Variants in HRH1 observed in about 807,000 individuals in gnomAD.
HRH1 encodes the protein histamine H1 receptor.
HRH1 carries 6 observed loss-of-function variants against 10.3 expected under a neutral mutation model. That is an observed-to-expected ratio of 0.58 (90% CI 0.32 to 1.15). HRH1 has a LOEUF of 1.15. Among genes scored for constraint, HRH1 ranks in the 50% most tolerant of loss-of-function variants. The pLI is 0.05. For missense variants in HRH1, 514 were observed against 615.3 expected (o/e 0.84, Z 1.74); for synonymous variants, 242 against 236.7 (o/e 1.02, Z -0.21).
At chr3:11,149,122 G>A (rs552270411) in intron 1 of HRH1, among the ~76,000 whole-genome samples, 59 of 152,262 alleles carry the variant, frequency 3.9e-4, no homozygotes, top group African/African-American at 1.3e-3. Context: ...AAATTTAAAT[G>A]TTCTTGACCT....
intron 1 of HRH1, among the ~76,000 whole-genome samples, chr3:11,242,574 C>T (rs1939378693): frequency 1.3e-5 from 2 of 150,638 alleles, no homozygotes; most frequent in Non-Finnish European, 3.0e-5. Context: ...AGGAACCTGC[C>T]GGAAGGAACC....
intron 1 of HRH1, among the ~76,000 whole-genome samples, chr3:11,217,726 A>G (rs1486376587): frequency 6.6e-6 from 1 of 152,214 alleles, no homozygotes; most frequent in African/African-American, 2.4e-5. Flanking sequence ...ATTCTGTATT[A>G]TATATATTTT....
chr3:11,233,530 A>G (rs953440419), intron 1 of HRH1, among the ~76,000 whole-genome samples: 1 of 152,170 alleles, frequency 6.6e-6, no homozygotes, highest in African/African-American at 2.4e-5. Context: ...CCTCTCAAGA[A>G]CATTGCACCT....
rs746557839 is a variant in HRH1 at position 11,259,556 on chromosome 3, G to A, written c.519G>A (p.Ser173=). ...GGAATCACTTCATGCAGCAGACCTC[G>A]GTGCGCCGAGAGGACAAGTGTGAGA... ...LGWNHFMQQT[S]VRREDKCETD... The change falls in exon 2 of 2, where the codon TCG becomes TCA. Residue 173 remains serine (S), a synonymous_variant. Coordinates refer to ENST00000431010, the MANE Select transcript of HRH1 (RefSeq NM_001098212.2). The surrounding 1 kb of genome is among the most constrained non-coding windows in gnomAD (Gnocchi z 4.6). 2.5e-6 allele frequency: 4 copies of A among 1,613,864 alleles called. No homozygotes were observed. Among genetic ancestry groups the A allele is most frequent in the East Asian group, 2.2e-5 (1 of 44,872 alleles).
chr3:11,152,962 T>C (rs1263288742), upstream of HRH1, among the ~76,000 whole-genome samples: 5 of 152,126 alleles, frequency 3.3e-5, no homozygotes. Context: ...CAAAGTCTCA[T>C]ATCACTGGGC....
chr3:11,234,318 C>A lies in HRH1; in HGVS notation c.-35-24685C>A, dbSNP rs1435903714. On this transcript the variant is annotated intron_variant, in intron 1 of 1. Coordinates refer to ENST00000431010, the MANE Select transcript of HRH1 (RefSeq NM_001098212.2). ...GTGGGAGCTGTTTCTTCTGCTTGTT[C>A]TGCTGGCTTCTTCTCTCTTTCCTCT... 5 of 1,578,906 alleles carry A rather than the reference C, an allele frequency of 3.2e-6. No individual in the cohort carries two copies. The East Asian group carries it at 9.0e-5, about 28-fold the overall frequency.
rs1233147200 is a variant in HRH1, at chr3:11,236,879, AC to A, written c.-35-22123del. On this transcript the variant is annotated intron_variant, in intron 1 of 1. Coordinates refer to ENST00000431010, the MANE Select transcript of HRH1 (RefSeq NM_001098212.2). Reference sequence around the variant, plus strand: ...CACTTGACTGAAAGAGACAAAAGTTACAGGAACTGGTAATCACCTGGGAGCT... The same window carrying A: ...CACTTGACTGAAAGAGACAAAAGTTAAGGAACTGGTAATCACCTGGGAGCT... 3.5e-4 allele frequency among the ~76,000 whole-genome samples: 54 copies of A among 152,338 alleles called. 1 individual carries two copies. The highest frequency in any genetic ancestry group is 3.4e-3 in the Middle Eastern group (1 of 294).
chr3:11,180,047 A>C (rs567105990), intron 1 of HRH1, among the ~76,000 whole-genome samples: 50 of 152,188 alleles, frequency 3.3e-4, no homozygotes, highest in African/African-American at 1.2e-3. Context: ...ACAGGCATGC[A>C]CCACCACACC....
At chr3:11,202,978 G>A (rs1389626835) in intron 1 of HRH1, among the ~76,000 whole-genome samples, 1 of 152,142 alleles carries the variant, frequency 6.6e-6, no homozygotes, top group Non-Finnish European at 1.5e-5. Context: ...GCCTTTTCCA[G>A]GACGTCATAC....
At chr3:11,221,512 G>A (rs975516210) in intron 1 of HRH1, among the ~76,000 whole-genome samples, 2 of 151,014 alleles carry the variant, frequency 1.3e-5, no homozygotes, top group African/African-American at 4.9e-5. Context: ...CCGAGATCAC[G>A]CCATTGCACT....
chr3:11,248,464 C>T (rs1345995452), intron 1 of HRH1, among the ~76,000 whole-genome samples: 1 of 152,174 alleles, frequency 6.6e-6, no homozygotes, highest in South Asian at 2.1e-4. Flanking sequence ...TTACAATATT[C>T]TGTCTTCAGC....
upstream of HRH1, among the ~76,000 whole-genome samples, chr3:11,149,567 T>C (rs891835586): frequency 3.9e-5 from 6 of 152,196 alleles, no homozygotes; most frequent in African/African-American, 1.4e-4. Flanking sequence ...GAGAAATGAA[T>C]GGAGCAGGGG....
chr3:11,147,612 G>GA lies in HRH1; in HGVS notation c.-36+10223dup, dbSNP rs928043714. ...CTGTGATCCCATTCCAGTAGGTGTA[G>GA]AAAAAAAAAAGACTGGTTTGCCTCT... On this transcript the variant is annotated intron_variant, in intron 1 of 1. Coordinates refer to the HRH1 transcript ENST00000438284. Among the ~76,000 whole-genome samples, 430 of 148,604 alleles carry GA rather than the reference G, an allele frequency of 2.9e-3. 3 individuals are homozygous for GA. The highest frequency in any genetic ancestry group is 9.9e-3 in the African/African-American group (402 of 40,608).
At chr3:11,144,341 GTA>G (rs1294048105) in intron 1 of HRH1, among the ~76,000 whole-genome samples, 10 of 48,428 alleles carry the variant, frequency 2.1e-4, no homozygotes, top group Middle Eastern at 0.013. Context: ...AATGTGATAT[GTA>G]TATGTGTGTG....
At chr3:11,209,259 T>C (rs75693353) in intron 1 of HRH1, among the ~76,000 whole-genome samples, 1 of 152,228 alleles carries the variant, frequency 6.6e-6, no homozygotes, top group East Asian at 1.9e-4. Flanking sequence ...GCCTGACTAG[T>C]TTTTATATTT....
chr3:11,257,590 T>A (rs1939814938), intron 1 of HRH1, among the ~76,000 whole-genome samples: 1 of 151,960 alleles, frequency 6.6e-6, no homozygotes, highest in South Asian at 2.1e-4. Context: ...AAAAACTCCT[T>A]CCAGAAGATT....
chr3:11,249,898 A>C (rs532083755), intron 1 of HRH1, among the ~76,000 whole-genome samples: 1 of 152,162 alleles, frequency 6.6e-6, no homozygotes, highest in Non-Finnish European at 1.5e-5. Flanking sequence ...TTGACCCTGC[A>C]GATCTCCACA....
Position 11,261,350 on chromosome 3 carries a change from G to T in HRH1, c.*849G>T, listed in dbSNP as rs540924263. The T allele has an allele frequency of 6.0e-6, 1 of 167,120 alleles. No individual in the cohort carries two copies. The highest frequency in any genetic ancestry group is 2.1e-4 in the South Asian group (1 of 4,830). 10.4% of individuals were successfully genotyped at this position (167,120 alleles called of 1,614,324 possible). ...TGCCATATTTTTGAGGGCTGTACTAGGTTTATCTCATTTAAGCCCCACAAC... is the reference window on the plus strand; with the variant it reads ...TGCCATATTTTTGAGGGCTGTACTATGTTTATCTCATTTAAGCCCCACAAC... On this transcript the variant is annotated 3_prime_UTR_variant, in exon 2 of 2. Transcript: ENST00000431010.
intron 1 of HRH1, among the ~76,000 whole-genome samples, chr3:11,239,724 A>G (rs1939285341): frequency 6.6e-6 from 1 of 152,100 alleles, no homozygotes; most frequent in African/African-American, 2.4e-5. Flanking sequence ...CATATGAATT[A>G]TTGCATTTTG....
Sources: gnomAD v4.1 joint callset for allele counts (sites outside exome capture counted in the v4.1 genomes callset) on GRCh38, gnomAD v4.1.1 for gene constraint, Gnocchi (gnomAD v3.1) non-coding constraint, MANE v1.5 for transcripts, NCBI Gene and HGNC (gene_info 2026-07-23, HGNC 2026-07-21) for gene names.